Variants in FGF14 observed in about 807,000 individuals in gnomAD.
FGF14 encodes fibroblast growth factor homologous factor 4.
A neutral mutation model predicts 25.5 loss-of-function variants in FGF14; 5 were observed. The ratio of observed to expected loss-of-function variants is 0.20; its 90% CI spans 0.10 to 0.41. The LOEUF is 0.41. Ranked by LOEUF, FGF14 falls within the 10% of genes least tolerant of loss-of-function variation. FGF14 has a pLI of 1.00. For synonymous variants in FGF14, 138 were observed against 118.3 expected (o/e 1.17, Z -1.08); for missense variants, 222 against 320.1 (o/e 0.69, Z 2.34).
intron 3 of FGF14, among the ~76,000 whole-genome samples, chr13:101,784,141 T>C (rs2039675109): frequency 6.6e-6 from 1 of 152,190 alleles, no homozygotes; most frequent in African/African-American, 2.4e-5. Flanking sequence ...TTCCTCTAAC[T>C]TATCCTGTAC....
At chr13:102,168,739 G>A (rs2048122374) in intron 1 of FGF14, among the ~76,000 whole-genome samples, 1 of 152,050 alleles carries the variant, frequency 6.6e-6, no homozygotes, top group Non-Finnish European at 1.5e-5. Context: ...GGGGAAATCT[G>A]ACATAAAACT....
At chr13:102,064,752 A>T (rs1416754040) in intron 1 of FGF14, among the ~76,000 whole-genome samples, 1 of 152,018 alleles carries the variant, frequency 6.6e-6, no homozygotes. Flanking sequence ...ACAATAAAGT[A>T]TAACAATAAT....
In FGF14 at chr13:101,828,005, C is replaced by T. The variant is rs907203180; in HGVS notation, c.408+40720G>A. On this transcript the variant is annotated intron_variant, in intron 3 of 4. Coordinates refer to ENST00000376143, the MANE Select transcript of FGF14 (RefSeq NM_004115.4). Reference sequence around the variant, plus strand: ...CATGTCAGGATATAAATTTCAAAATCATGTCTGAATTATTATGAAATCTAC... The same window carrying T: ...CATGTCAGGATATAAATTTCAAAATTATGTCTGAATTATTATGAAATCTAC... Among the ~76,000 whole-genome samples the T allele has an allele frequency of 3.3e-5, 5 of 151,112 alleles. No homozygotes were observed. In the South Asian group the frequency reaches 6.2e-4, roughly 19 times the overall value.
At chr13:102,286,798 C>T (rs190000628) in intron 1 of FGF14, among the ~76,000 whole-genome samples, 2 of 152,242 alleles carry the variant, frequency 1.3e-5, no homozygotes, top group South Asian at 2.1e-4. Context: ...GTGTCAAAGG[C>T]ACTTTGTATA....
chr13:102,215,013 T>A (rs1425489346), intron 1 of FGF14, among the ~76,000 whole-genome samples: 2 of 152,192 alleles, frequency 1.3e-5, no homozygotes, highest in African/African-American at 2.4e-5. Context: ...GGAAACAGAT[T>A]CTTTTTTGGT....
In FGF14 at chr13:101,911,649, A is replaced by G. The variant is rs141168734; in HGVS notation, c.193+4804T>C. Among the ~76,000 whole-genome samples the G allele has an allele frequency of 8.5e-4, 130 of 152,264 alleles. 1 individual carries two copies. The highest frequency in any genetic ancestry group is 2.9e-3 in the African/African-American group (120 of 41,570). ...ACCAATCTGGTAATATTCTCATAAG[A>G]TTCCCTGCTTAGAAATTGCATTTAT... On this transcript the variant is annotated intron_variant, in intron 1 of 4. Transcript: ENST00000376143.
chr13:101,733,614 AG>A (rs1566831555), intron 3 of FGF14, among the ~76,000 whole-genome samples: 1 of 143,136 alleles, frequency 7.0e-6, no homozygotes. Context: ...AAAAAAAAAG[AG>A]AGAGAGGAGA....
At chr13:102,383,992 T>C (rs1175672379) in intron 1 of FGF14, among the ~76,000 whole-genome samples, 1 of 152,234 alleles carries the variant, frequency 6.6e-6, no homozygotes, top group African/African-American at 2.4e-5. Context: ...GTGTTCCAAT[T>C]ACTCACATGC....
intron 1 of FGF14, among the ~76,000 whole-genome samples, chr13:102,233,124 C>A (rs1240708945): frequency 6.6e-6 from 1 of 151,942 alleles, no homozygotes; most frequent in Admixed American, 6.6e-5. Context: ...GTCTAATATG[C>A]CATTTTTGTT....
At chr13:101,782,899 G>A (rs962881482) in intron 3 of FGF14, among the ~76,000 whole-genome samples, 3 of 152,150 alleles carry the variant, frequency 2.0e-5, no homozygotes, top group Non-Finnish European at 4.4e-5. Context: ...CTGTGGTAAT[G>A]GGATTGCTGA....
chr13:102,092,731 A>G (rs1262805931), intron 1 of FGF14, among the ~76,000 whole-genome samples: 2 of 152,238 alleles, frequency 1.3e-5, no homozygotes, highest in Admixed American at 1.3e-4. Flanking sequence ...TAATACATAA[A>G]TGCCTAGGCA....
chr13:101,926,801 G>A (rs2034395722), intron 1 of FGF14, among the ~76,000 whole-genome samples: 1 of 152,204 alleles, frequency 6.6e-6, no homozygotes, highest in Non-Finnish European at 1.5e-5. Context: ...TGTAGGGGAA[G>A]TAGATAATTG....
chr13:102,384,603 GC>G (rs2058259426), intron 1 of FGF14, among the ~76,000 whole-genome samples: 1 of 151,994 alleles, frequency 6.6e-6, no homozygotes, highest in Admixed American at 6.6e-5. Flanking sequence ...CTCCTCTTGA[GC>G]CCTATAGCAT....
chr13:102,256,853 G>A (rs1247444302), intron 1 of FGF14, among the ~76,000 whole-genome samples: 1 of 152,122 alleles, frequency 6.6e-6, no homozygotes, highest in East Asian at 1.9e-4. Context: ...TGCAATATCA[G>A]GTTTATAAAT....
chr13:102,203,646 A>T (rs1450479387), intron 1 of FGF14, among the ~76,000 whole-genome samples: 2 of 152,254 alleles, frequency 1.3e-5, no homozygotes, highest in Admixed American at 1.3e-4. Context: ...AACTTTTATT[A>T]AGGAAAAATA....
intron 1 of FGF14, among the ~76,000 whole-genome samples, chr13:102,080,795 C>T (rs901476984): frequency 2.0e-5 from 3 of 152,190 alleles, no homozygotes; most frequent in African/African-American, 7.2e-5. Flanking sequence ...CTAATTTACC[C>T]ACATTTGTGA....
chr13:102,305,527 G>T (rs1300550003), intron 1 of FGF14, among the ~76,000 whole-genome samples: 1 of 152,148 alleles, frequency 6.6e-6, no homozygotes, highest in Non-Finnish European at 1.5e-5. Flanking sequence ...AGAAATATTT[G>T]CCTTAAGGAT....
intron 1 of FGF14, among the ~76,000 whole-genome samples, chr13:102,363,757 C>T (rs931024471): frequency 1.5e-4 from 23 of 152,214 alleles, no homozygotes; most frequent in Non-Finnish European, 2.2e-4. Context: ...CCTGTTGCCA[C>T]TCTGAATAGT....
At chr13:102,127,415 T>G (rs1420978641) in intron 1 of FGF14, among the ~76,000 whole-genome samples, 1 of 152,138 alleles carries the variant, frequency 6.6e-6, no homozygotes, top group African/African-American at 2.4e-5. Context: ...CTTGGAAAAG[T>G]GTACACAACC....
Sources: gnomAD v4.1 joint callset for allele counts (sites outside exome capture counted in the v4.1 genomes callset) on GRCh38, gnomAD v4.1.1 for gene constraint, MANE v1.5 for transcripts, NCBI Gene and HGNC (gene_info 2026-07-23, HGNC 2026-07-21) for gene names.